Variants in RELCH observed in about 807,000 individuals in gnomAD.
The protein encoded by RELCH is RAB11-binding protein RELCH.
RELCH carries 41 observed loss-of-function variants against 150.3 expected under a neutral mutation model. The observed-to-expected ratio is 0.27, with a 90% CI of 0.21 to 0.35. RELCH has a LOEUF of 0.35. RELCH is among the 10% of genes least tolerant of loss of function. The pLI is 1.00. For synonymous variants in RELCH, 478 were observed against 531.8 expected, an observed-to-expected ratio of 0.90 and a Z score of 1.39; for missense variants, 1,092 against 1,467.8, an observed-to-expected ratio of 0.74 and a Z score of 4.18.
chr18:62,241,999 C>T (rs1249289833), intron 10 of RELCH, among the ~76,000 whole-genome samples: 1 of 152,142 alleles, frequency 6.6e-6, no homozygotes, highest in Non-Finnish European at 1.5e-5. Context: ...TTATCCTAAT[C>T]GTGTTCCTTG....
chr18:62,256,869 A>G (rs1301930304), intron 13 of RELCH, among the ~76,000 whole-genome samples: 1 of 152,062 alleles, frequency 6.6e-6, no homozygotes. Context: ...AGTTTAAGAT[A>G]TTTTAGGGCA....
chr18:62,187,814 C>T lies in RELCH; in HGVS notation c.309C>T (p.Arg103=). 6.3e-7 allele frequency: 1 copy of T among 1,595,460 alleles called. No homozygotes were observed. Among genetic ancestry groups the T allele is most frequent in the Non-Finnish European group, 8.5e-7 (1 of 1,170,948 alleles). The change falls in exon 1 of 29, where the codon CGC becomes CGT. Residue 103 remains arginine (R), a synonymous_variant. Coordinates refer to ENST00000644646, the MANE Select transcript of RELCH (RefSeq NM_001346231.2). Reference sequence around the variant, plus strand: ...ATGCGATCGCTGCTCAGCTGTTGCGCGATCAATACTTGCTGACCGCCCTGG... The same window carrying T: ...ATGCGATCGCTGCTCAGCTGTTGCGTGATCAATACTTGCTGACCGCCCTGG... ...SIDAIAAQLL[R]DQYLLTALEL...
intron 11 of RELCH, among the ~76,000 whole-genome samples, chr18:62,245,494 T>C (rs2042360297): frequency 6.6e-6 from 1 of 151,858 alleles, no homozygotes. Flanking sequence ...GGCGTGGTGG[T>C]GGGCGCCTGT....
In RELCH at chr18:62,227,651, G is replaced by C. The variant is rs1227564818; in HGVS notation, c.1116G>C (p.Glu372Asp). ...ATAAAATTAGTTTGTTAAATAGTGA[G>C]AAATGGTCATTGATGGAGCAAATCA... is the stretch of plus-strand genomic sequence containing the variant. ...LEDKISLLNS[E>D]KWSLMEQIRR... Residue 372 changes from glutamate (E) to aspartate (D), a missense_variant, in exon 7 of 29, where the codon GAG becomes GAC. This residue lies in a region of RELCH where 707 missense variants were observed against 1,025.4 expected (regional missense o/e 0.69). Coordinates refer to ENST00000644646, the MANE Select transcript of RELCH (RefSeq NM_001346231.2). The C allele has an allele frequency of 6.4e-7, 1 of 1,565,318 alleles. No homozygotes were observed. The highest frequency in any genetic ancestry group is 1.1e-5 in the South Asian group (1 of 88,806).
intron 8 of RELCH, among the ~76,000 whole-genome samples, chr18:62,229,989 G>A (rs191903837): frequency 6.6e-6 from 1 of 152,074 alleles, no homozygotes; most frequent in Admixed American, 6.6e-5. Context: ...TGAGCTAGAG[G>A]TAATTGGAAG....
At chr18:62,241,727 A>T (rs2042157850) in intron 10 of RELCH, among the ~76,000 whole-genome samples, 1 of 152,280 alleles carries the variant, frequency 6.6e-6, no homozygotes, top group Admixed American at 6.5e-5. Flanking sequence ...GTGAGAGATG[A>T]TGCCAAAGGG....
At chr18:62,200,343 ACTC>A (rs1301314950) in intron 1 of RELCH, among the ~76,000 whole-genome samples, 2 of 152,132 alleles carry the variant, frequency 1.3e-5, no homozygotes, top group Non-Finnish European at 2.9e-5. Flanking sequence ...TTATCTTTGT[ACTC>A]CTCACTATGG....
chr18:62,262,962 T>C (rs1023337338), intron 16 of RELCH, among the ~76,000 whole-genome samples: 2 of 152,036 alleles, frequency 1.3e-5, no homozygotes, highest in African/African-American at 4.8e-5. Flanking sequence ...TGGCACTCTT[T>C]AGTGTTTCTT....
At chr18:62,237,934 GA>G (rs1218333190) in intron 10 of RELCH, among the ~76,000 whole-genome samples, 1 of 151,410 alleles carries the variant, frequency 6.6e-6, no homozygotes, top group African/African-American at 2.4e-5. Flanking sequence ...ACAAGAAAAA[GA>G]AAAAAGTAAC....
At chr18:62,285,029 TCAAA>T (rs1209383747) in intron 25 of RELCH, among the ~76,000 whole-genome samples, 5 of 152,214 alleles carry the variant, frequency 3.3e-5, no homozygotes, top group East Asian at 1.9e-4. Flanking sequence ...GCCCATTTAT[TCAAA>T]CAAACAAACA....
intron 18 of RELCH, among the ~76,000 whole-genome samples, chr18:62,265,933 A>C (rs2043536861): frequency 6.6e-6 from 1 of 151,950 alleles, no homozygotes; most frequent in Admixed American, 6.6e-5. Flanking sequence ...AGAAAATTAA[A>C]ATTATTTTGT....
At chr18:62,231,316 G>GT in intron 9 of RELCH, 47 bp downstream of exon 9, 1 of 1,199,872 alleles carries the variant, frequency 8.3e-7, no homozygotes, top group Non-Finnish European at 1.2e-6. Flanking sequence ...ACATTCTACT[G>GT]TTTTTCTTCT....
In RELCH at chr18:62,187,401, A is replaced by G. The variant is rs1052155025; in HGVS notation, c.-105A>G. ...CTAAGTCGGGAGGCAGGACGTGGTC[A>G]GGCCGGGGCTGTGGAGGTGCGCTGT... is the stretch of plus-strand genomic sequence containing the variant. On this transcript the variant is annotated 5_prime_UTR_variant, in exon 1 of 29. Transcript: ENST00000644646. 4.4e-6 allele frequency: 5 copies of G among 1,128,354 alleles called. No homozygotes were observed. In the South Asian group the frequency reaches 1.2e-4, roughly 26 times the overall value. The allele number at this position is 1,128,354 out of a possible 1,614,324, so 69.9% of individuals were successfully genotyped here.
intron 20 of RELCH, among the ~76,000 whole-genome samples, chr18:62,270,332 T>C (rs1224523672): frequency 6.6e-6 from 1 of 152,124 alleles, no homozygotes; most frequent in Admixed American, 6.6e-5. Flanking sequence ...TAAGCCAGGG[T>C]GTGAACCAGG....
chr18:62,187,461 C>A lies in RELCH; in HGVS notation c.-45C>A. On this transcript the variant is annotated 5_prime_UTR_variant, in exon 1 of 29. Transcript: ENST00000644646. ...GGCCTAGAGGATTCGGGCTGCGGCC[C>A]GTCGGAACCAGTCAGGGAGGCGCCC... 1 of 1,487,082 alleles carries A rather than the reference C, an allele frequency of 6.7e-7. No homozygotes were observed. Among genetic ancestry groups the A allele is most frequent in the African/African-American group, 1.4e-5 (1 of 71,414 alleles). The allele number at this position is 1,487,082 out of a possible 1,614,324, so 92.1% of individuals were successfully genotyped here.
At chr18:62,229,592 A>T (rs1160449288) in intron 8 of RELCH, among the ~76,000 whole-genome samples, 1 of 151,572 alleles carries the variant, frequency 6.6e-6, no homozygotes, top group South Asian at 2.1e-4. Flanking sequence ...ACCTTATAGT[A>T]TGAGAGAGAC....
chr18:62,205,314 A>G (rs1349945661), intron 1 of RELCH, among the ~76,000 whole-genome samples: 3 of 152,162 alleles, frequency 2.0e-5, no homozygotes, highest in Non-Finnish European at 4.4e-5. Context: ...ACCCAAACTC[A>G]TATTATATAT....
At chr18:62,211,948 G>A (rs901632310) in intron 2 of RELCH, among the ~76,000 whole-genome samples, 1 of 152,108 alleles carries the variant, frequency 6.6e-6, no homozygotes, top group African/African-American at 2.4e-5. Context: ...TTAATGATTG[G>A]TCCAGTAAGG....
rs942101853 is a variant in RELCH, at chr18:62,307,313, G to A, written c.*1779G>A. On this transcript the variant is annotated 3_prime_UTR_variant, in exon 29 of 29. Coordinates refer to ENST00000644646, the MANE Select transcript of RELCH (RefSeq NM_001346231.2). ...GCTATAAAACTAATACATTTCAGAG[G>A]TACCTGGAAGAAAAATGTTTAAACT... 7.2e-5 allele frequency: 11 copies of A among 151,884 alleles called. No homozygotes were observed. The highest frequency in any genetic ancestry group is 2.7e-4 in the African/African-American group (11 of 41,376). The allele number at this position is 151,884 out of a possible 1,614,324, so 9.4% of individuals were successfully genotyped here.
Sources: gnomAD v4.1 joint callset for allele counts (sites outside exome capture counted in the v4.1 genomes callset) on GRCh38, gnomAD v4.1.1 for gene constraint, gnomAD v4.1.1 regional missense constraint, MANE v1.5 for transcripts, NCBI Gene and HGNC (gene_info 2026-07-23, HGNC 2026-07-21) for gene names.